EPB41L1: variants seen among roughly 807,000 people sequenced by gnomAD.
EPB41L1 encodes the protein band 4.1-like protein 1.
In EPB41L1, 29 loss-of-function variants were observed where a neutral mutation model predicts 97.8. The ratio of observed to expected loss-of-function variants is 0.30; its 90% CI spans 0.22 to 0.40. The LOEUF is 0.40. Ranked by LOEUF, EPB41L1 falls within the 10% of genes least tolerant of loss-of-function variation. The probability of loss-of-function intolerance (pLI) is 1.00; values close to 1 mark genes in which losing one functional copy is unlikely to be tolerated. For synonymous variants in EPB41L1, 383 were observed against 459.2 expected, an observed-to-expected ratio of 0.83 and a Z score of 2.12; for missense variants, 812 against 1,162.3, an observed-to-expected ratio of 0.70 and a Z score of 4.38.
At chr20:36,170,521 T>A (rs1002364465) in intron 1 of EPB41L1, among the ~76,000 whole-genome samples, 1 of 152,198 alleles carries the variant, frequency 6.6e-6, no homozygotes, top group Non-Finnish European at 1.5e-5. Context: ...TTAGAGTGGA[T>A]AAGCCATCAT....
At chr20:36,181,966 C>T (rs2061488563) in intron 5 of EPB41L1, among the ~76,000 whole-genome samples, 1 of 152,144 alleles carries the variant, frequency 6.6e-6, no homozygotes, top group Non-Finnish European at 1.5e-5. Context: ...AGGACTTACT[C>T]ATGGGGTTGT....
chr20:36,109,513 G>A (rs956876554), intron 1 of EPB41L1, among the ~76,000 whole-genome samples: 6 of 152,166 alleles, frequency 3.9e-5, no homozygotes, highest in African/African-American at 1.4e-4. Context: ...CTGTTGCCAC[G>A]ACAGTACTGT....
In EPB41L1 at chr20:36,232,738, T is replaced by C. The variant is rs1174270565; in HGVS notation, c.*3398T>C. On this transcript the variant is annotated 3_prime_UTR_variant, in exon 22 of 22. Transcript: ENST00000338074. The stretch of plus-strand genomic sequence containing the variant: ...ACCTCAGTGCTCCGTGCTGTATGCG[T>C]GTGCTCTCTGTTCTTGTATACTCAA... 2.5e-6 allele frequency: 1 copy of C among 398,988 alleles called. No individual in the cohort carries two copies. Among genetic ancestry groups the C allele is most frequent in the African/African-American group, 2.1e-5 (1 of 48,582 alleles). The allele number at this position is 398,988 out of a possible 1,614,324, so 24.7% of individuals were successfully genotyped here.
intron 2 of EPB41L1, among the ~76,000 whole-genome samples, chr20:36,138,314 G>GA (rs2059497447): frequency 6.6e-6 from 1 of 151,222 alleles, no homozygotes; most frequent in African/African-American, 2.4e-5. Context: ...AGCCAGGCTG[G>GA]AGTGCAGTGG....
At chr20:36,217,488 G>T (rs1339191820) in intron 17 of EPB41L1, among the ~76,000 whole-genome samples, 1 of 152,198 alleles carries the variant, frequency 6.6e-6, no homozygotes, top group African/African-American at 2.4e-5. Context: ...AGCAGAGGGT[G>T]CCTCGTTTTG....
At chr20:36,133,779 C>G (rs2059311395) in intron 2 of EPB41L1, among the ~76,000 whole-genome samples, 1 of 151,422 alleles carries the variant, frequency 6.6e-6, no homozygotes, top group South Asian at 2.1e-4. Context: ...ATCGCTTGAG[C>G]CTAGGAGGTT....
intron 2 of EPB41L1, among the ~76,000 whole-genome samples, chr20:36,141,428 G>A (rs905098926): frequency 5.3e-5 from 8 of 152,068 alleles, no homozygotes; most frequent in African/African-American, 1.7e-4. Context: ...GGGTACTTCC[G>A]CTGTGAGGGC....
intron 14 of EPB41L1, among the ~76,000 whole-genome samples, chr20:36,204,427 G>C (rs762243861): frequency 2.5e-4 from 38 of 150,210 alleles, no homozygotes; most frequent in Non-Finnish European, 4.6e-4. Context: ...CTTGGGGGAG[G>C]TAGAGGCTGT....
intron 19 of EPB41L1, 80 bp downstream of exon 19, chr20:36,219,924 G>A (rs994766396): frequency 1.0e-5 from 13 of 1,267,746 alleles, no homozygotes; most frequent in Middle Eastern, 1.8e-4. Context: ...CTTCGGCTTC[G>A]CCATCTGTAA....
Position 36,206,090 on chromosome 20 carries a change from C to G in EPB41L1, c.1669-3398C>G. 1 of 1,289,896 alleles carries G rather than the reference C, an allele frequency of 7.8e-7. No homozygotes were observed. Among genetic ancestry groups the G allele is most frequent in the African/African-American group, 1.5e-5 (1 of 66,006 alleles). The allele number at this position is 1,289,896 out of a possible 1,614,324, so 79.9% of individuals were successfully genotyped here. Reference sequence around the variant, plus strand: ...CAACAAGGAAAAATGATTGCAAGTCCTGAAGACTTTGAGTCAGTGGGGGAG... The same window carrying G: ...CAACAAGGAAAAATGATTGCAAGTCGTGAAGACTTTGAGTCAGTGGGGGAG... On this transcript the variant is annotated intron_variant, in intron 14 of 21. Coordinates refer to ENST00000338074, the MANE Select transcript of EPB41L1 (RefSeq NM_012156.2). This position sits in a 1 kb window ranked among gnomAD's most constrained non-coding sequence, Gnocchi z 5.5.
chr20:36,170,832 A>G (rs937746677), intron 1 of EPB41L1, among the ~76,000 whole-genome samples: 1 of 151,812 alleles, frequency 6.6e-6, no homozygotes, highest in Non-Finnish European at 1.5e-5. Flanking sequence ...AATTATCTCA[A>G]AAATGATCTC....
intron 2 of EPB41L1, among the ~76,000 whole-genome samples, chr20:36,128,887 T>C (rs1460147668): frequency 6.6e-6 from 1 of 152,264 alleles, no homozygotes; most frequent in Non-Finnish European, 1.5e-5. Flanking sequence ...GGATGGGATG[T>C]TGAAGTCAGG....
Position 36,182,324 on chromosome 20 carries a change from C to T in EPB41L1, c.543C>T (p.Ala181=). Residue 181 remains alanine (A), a synonymous_variant, in exon 6 of 22, where the codon GCC becomes GCT. Coordinates refer to ENST00000338074, the MANE Select transcript of EPB41L1 (RefSeq NM_012156.2). ...FTVKFYPPDP[A]QLTEDITRYY... ...TCAAGTTCTACCCGCCTGATCCTGCCCAGCTGACAGAAGACATCACAAGGT... is the reference window on the plus strand; with the variant it reads ...TCAAGTTCTACCCGCCTGATCCTGCTCAGCTGACAGAAGACATCACAAGGT... 6.2e-7 allele frequency: 1 copy of T among 1,614,088 alleles called. No individual in the cohort carries two copies. The highest frequency in any genetic ancestry group is 8.5e-7 in the Non-Finnish European group (1 of 1,179,956).
chr20:36,154,558 A>AGGCAGG (rs2060199386), upstream of EPB41L1, among the ~76,000 whole-genome samples: 1 of 135,302 alleles, frequency 7.4e-6, no homozygotes, highest in African/African-American at 2.8e-5. The surrounding 1 kb of genome is among the most constrained non-coding windows in gnomAD (Gnocchi z 5.5). Context: ...GAGGAGGCGG[A>AGGCAGG]GGCAGGGGCA....
chr20:36,143,146 T>TGC (rs1240676049), intron 2 of EPB41L1, among the ~76,000 whole-genome samples: 2 of 129,076 alleles, frequency 1.5e-5, no homozygotes, highest in Non-Finnish European at 3.2e-5. Flanking sequence ...TTTGTGTGTG[T>TGC]GTGTGTGTGT....
chr20:36,140,477 T>G (rs1569112161), intron 2 of EPB41L1, among the ~76,000 whole-genome samples: 2 of 152,212 alleles, frequency 1.3e-5, no homozygotes, highest in Admixed American at 1.3e-4. Flanking sequence ...AAGCTGAGTC[T>G]CAGTTTTCTC....
At chr20:36,228,003 C>A (rs188777577) in intron 21 of EPB41L1, among the ~76,000 whole-genome samples, 1 of 152,200 alleles carries the variant, frequency 6.6e-6, no homozygotes, top group Non-Finnish European at 1.5e-5. Flanking sequence ...AAAACAGGAA[C>A]CTTGGGTTTT....
At chr20:36,107,045 G>A (rs150136215) in intron 1 of EPB41L1, among the ~76,000 whole-genome samples, 20 of 152,056 alleles carry the variant, frequency 1.3e-4, no homozygotes, top group African/African-American at 3.9e-4. Context: ...CTCAGGCAAA[G>A]TAATCCCAAA....
At chr20:36,205,963 C>G (rs191771587) in intron 14 of EPB41L1, 1 of 1,289,908 alleles carries the variant, frequency 7.8e-7, no homozygotes, top group Admixed American at 2.3e-5. Flanking sequence ...TGCTGGTATC[C>G]TTGCCAACGG....
Sources: gnomAD v4.1 joint callset for allele counts (sites outside exome capture counted in the v4.1 genomes callset) on GRCh38, gnomAD v4.1.1 for gene constraint, Gnocchi (gnomAD v3.1) non-coding constraint, MANE v1.5 for transcripts, NCBI Gene and HGNC (gene_info 2026-07-23, HGNC 2026-07-21) for gene names.